The following STK24 variants were observed in gnomAD, a reference collection of about 807,000 sequenced individuals.
STK24 encodes serine/threonine-protein kinase 24.
STK24 carries 21 observed loss-of-function variants against 55.6 expected under a neutral mutation model. The observed-to-expected ratio is 0.38, with a 90% CI of 0.27 to 0.54. The LOEUF (loss-of-function observed/expected upper bound fraction) is 0.54. STK24 is among the 20% of genes least tolerant of loss of function. The pLI, the probability that STK24 is intolerant of heterozygous loss-of-function variation, is 0.79. For missense variants in STK24, 383 were observed against 538.4 expected (o/e 0.71, Z 2.86); for synonymous variants, 200 against 215.2 (o/e 0.93, Z 0.62).
chr13:98,524,431 G>A (rs1416268232), intron 1 of STK24, among the ~76,000 whole-genome samples: 2 of 152,094 alleles, frequency 1.3e-5, no homozygotes, highest in Non-Finnish European at 1.5e-5. Context: ...AGGCCACGTG[G>A]AAGAGAGCAC....
chr13:98,483,334 T>C (rs1227545799), intron 2 of STK24, among the ~76,000 whole-genome samples: 1 of 151,142 alleles, frequency 6.6e-6, no homozygotes, highest in Non-Finnish European at 1.5e-5. Context: ...GTTCACGGGG[T>C]TCAGACGTCA....
At chr13:98,456,366 G>C (rs1294048382) in intron 10 of STK24, 3 of 408,476 alleles carry the variant, frequency 7.3e-6, no homozygotes, top group African/African-American at 6.1e-5. Context: ...GCTTTGGGAG[G>C]TGTCAGCCTG....
chr13:98,552,841 G>A (rs1897189307), intron 1 of STK24, among the ~76,000 whole-genome samples: 1 of 152,164 alleles, frequency 6.6e-6, no homozygotes, highest in Admixed American at 6.5e-5. Context: ...TACCCTCACT[G>A]ATTTCCAGGC....
intron 1 of STK24, among the ~76,000 whole-genome samples, chr13:98,537,534 C>T (rs953200014): frequency 3.9e-5 from 6 of 152,254 alleles, no homozygotes; most frequent in Middle Eastern, 3.4e-3. Context: ...GACCGGGCCA[C>T]GCACTGGCCA....
chr13:98,475,131 C>T (rs765573578), intron 4 of STK24, 119 bp downstream of exon 4: 37 of 1,406,708 alleles, frequency 2.6e-5, no homozygotes, highest in Non-Finnish European at 3.2e-5. Flanking sequence ...GCCAGCCCAG[C>T]CCAGGCAAGG....
intron 1 of STK24, chr13:98,521,655 T>C: frequency 1.5e-6 from 1 of 658,320 alleles, no homozygotes. Flanking sequence ...TAACACAAGC[T>C]GCTAGGATGA....
chr13:98,526,947 C>T (rs1162051626), intron 1 of STK24, among the ~76,000 whole-genome samples: 1 of 152,162 alleles, frequency 6.6e-6, no homozygotes, highest in Non-Finnish European at 1.5e-5. Context: ...CTGCTGATAC[C>T]GACCCCATGT....
chr13:98,506,673 C>G (rs1459841268), intron 2 of STK24, among the ~76,000 whole-genome samples: 1 of 152,220 alleles, frequency 6.6e-6, no homozygotes, highest in African/African-American at 2.4e-5. Context: ...TGGGGCACAG[C>G]TACCGGCACC....
At position 98,519,454 on chromosome 13, in the gene STK24, T is replaced by G. The variant is rs1566382040; in HGVS notation, c.62A>C (p.Glu21Ala). Residue 21 changes from glutamate (E) to alanine (A), a missense_variant, in exon 2 of 11, where the codon GAA (glutamate) becomes GCA (alanine). By Grantham distance (107) the Glu-to-Ala change is moderately radical (BLOSUM62 -1). Transcript: ENST00000539966. ...PGMQNLKADP[E>A]ELFTKLEKIG... The stretch of plus-strand genomic sequence containing the variant: ...TTTCTCTAGTTTTGTAAAAAGCTCT[T>G]CTGGGTCTGCCTTTAGGTTCTGTAG... The G allele has an allele frequency of 1.9e-6, 3 of 1,614,232 alleles. No homozygotes were observed. The highest frequency in any genetic ancestry group is 1.7e-6 in the Non-Finnish European group (2 of 1,180,030).
chr13:98,572,165 G>GGCA (rs1897759956), intron 1 of STK24, among the ~76,000 whole-genome samples: 1 of 152,212 alleles, frequency 6.6e-6, no homozygotes, highest in African/African-American at 2.4e-5. Context: ...CCCCAAAGCA[G>GGCA]GCAGCCGACC....
chr13:98,448,451 C>T lies in STK24; in HGVS notation c.*4722G>A. On this transcript the variant is annotated 3_prime_UTR_variant, in exon 11 of 11. Coordinates refer to ENST00000539966, the MANE Select transcript of STK24 (RefSeq NM_001032296.4). Reference sequence around the variant, plus strand: ...TGGCTTCCCAGCAGCTCTCCTGTCTCCACAGCCGCGTTTTTTAACCCCGAC... The same window carrying T: ...TGGCTTCCCAGCAGCTCTCCTGTCTTCACAGCCGCGTTTTTTAACCCCGAC... The T allele has an allele frequency of 1.4e-6, 1 of 724,900 alleles. No homozygotes were observed. The highest frequency in any genetic ancestry group is 2.4e-6 in the Non-Finnish European group (1 of 421,124). The allele number at this position is 724,900 out of a possible 1,614,324, so 44.9% of individuals were successfully genotyped here. A position where few individuals can be genotyped will look rare whatever the true frequency, so the allele number is the denominator to read the frequency against.
At chr13:98,521,909 A>C (rs2139386632) in intron 1 of STK24, 1 of 985,556 alleles carries the variant, frequency 1.0e-6, no homozygotes, top group South Asian at 1.3e-5. Flanking sequence ...TCCTTCTTCC[A>C]TTCACCCCTC....
In STK24 at chr13:98,448,322, C is replaced by A. The variant is rs201631657; in HGVS notation, c.*4851G>T. 379 of 1,605,452 alleles carry A rather than the reference C, an allele frequency of 2.4e-4. 1 individual carries two copies. The Middle Eastern group carries it at 3.5e-3, about 15-fold the overall frequency. On this transcript the variant is annotated 3_prime_UTR_variant, in exon 11 of 11. Coordinates refer to ENST00000539966, the MANE Select transcript of STK24 (RefSeq NM_001032296.4). ...AAAGAGTCTCTTGTGTATTGATGGC[C>A]GGACACACTCGTTTCCGCAGTGGCT...
intron 1 of STK24, among the ~76,000 whole-genome samples, chr13:98,563,171 C>T (rs1214190909): frequency 6.6e-6 from 1 of 152,128 alleles, no homozygotes; most frequent in Non-Finnish European, 1.5e-5. Context: ...CTTTATGCCT[C>T]CAGGGAAATG....
chr13:98,576,635 T>C (rs2139478804), intron 1 of STK24, 110 bp downstream of exon 1: 1 of 895,546 alleles, frequency 1.1e-6, no homozygotes, highest in Non-Finnish European at 1.5e-6. Context: ...GGAGCCAGGC[T>C]CCGGCGCGAC....
intron 5 of STK24, among the ~76,000 whole-genome samples, chr13:98,468,645 C>G (rs1894011523): frequency 6.6e-6 from 1 of 152,228 alleles, no homozygotes; most frequent in Admixed American, 6.5e-5. Context: ...CCAGGCCTCT[C>G]AGATTTCATT....
chr13:98,535,052 A>T (rs1896677623), intron 1 of STK24, among the ~76,000 whole-genome samples: 1 of 152,242 alleles, frequency 6.6e-6, no homozygotes, highest in African/African-American at 2.4e-5. Context: ...AGAATTTGAT[A>T]AAAAATATGC....
rs781713211 is a variant in STK24 at position 98,466,596 on chromosome 13, C to G, written c.598-35G>C. On this transcript the variant is annotated intron_variant, in intron 5 of 10. Transcript: ENST00000539966. ...GAAAAGCATCTTTACAAACACCAAG[C>G]AGGAATCTATTCCAATACACAGTAT... 7 of 1,606,270 alleles carry G rather than the reference C, an allele frequency of 4.4e-6. No homozygotes were observed. The African/African-American group carries it at 8.0e-5, about 18-fold the overall frequency.
intron 1 of STK24, among the ~76,000 whole-genome samples, chr13:98,544,936 T>C (rs565725030): frequency 3.1e-4 from 47 of 152,154 alleles, no homozygotes; most frequent in African/African-American, 1.1e-3. Flanking sequence ...ATCTGAAGAA[T>C]GGAAGCGCTA....
Sources: gnomAD v4.1 joint callset for allele counts (sites outside exome capture counted in the v4.1 genomes callset) on GRCh38, gnomAD v4.1.1 for gene constraint, MANE v1.5 for transcripts, NCBI Gene and HGNC (gene_info 2026-07-23, HGNC 2026-07-21) for gene names.